The following LRP12 variants were observed in gnomAD, a reference collection of about 807,000 sequenced individuals.
LRP12 encodes the protein LDL receptor related protein 12.
Under a neutral mutation model 66.0 loss-of-function variants are expected in LRP12, and 14 were observed. That is an observed-to-expected ratio of 0.21 (90% CI 0.14 to 0.33). The LOEUF (loss-of-function observed/expected upper bound fraction) is 0.33. Among genes scored for constraint, LRP12 ranks in the 10% least tolerant of loss-of-function variants. LRP12 has a pLI of 1.00. For synonymous variants in LRP12, 357 were observed against 359.1 expected (o/e 0.99, Z 0.07); for missense variants, 889 against 1,053.4 (o/e 0.84, Z 2.16).
At chr8:104,511,287 C>T (rs1232869105) in intron 2 of LRP12, among the ~76,000 whole-genome samples, 1 of 151,714 alleles carries the variant, frequency 6.6e-6, no homozygotes, top group Non-Finnish European at 1.5e-5. Context: ...TGTGATGTTA[C>T]CACCTCAGCC....
chr8:104,523,089 A>G (rs1222468977), intron 2 of LRP12, among the ~76,000 whole-genome samples: 5 of 152,144 alleles, frequency 3.3e-5, no homozygotes, highest in Admixed American at 2.6e-4. Flanking sequence ...ATATTCTTAG[A>G]AATAAAAAAG....
At chr8:104,538,188 A>T (rs74800512) in intron 1 of LRP12, among the ~76,000 whole-genome samples, 4,659 of 152,316 alleles carry the variant, frequency 0.031, 236 homozygotes, top group African/African-American at 0.11. Flanking sequence ...TGTTAAAAAG[A>T]GAAAAAGGAT....
chr8:104,588,272 C>A lies in LRP12; in HGVS notation c.79+547G>T, dbSNP rs535171067. Among the ~76,000 whole-genome samples the A allele has an allele frequency of 3.6e-4, 55 of 152,228 alleles. No homozygotes were observed. The South Asian group carries it at 9.3e-3, about 26-fold the overall frequency. On this transcript the variant is annotated intron_variant, in intron 1 of 6. Transcript: ENST00000276654. ...CAACAGGACCCTGCACGCCCGGATT[C>A]GGCAGAGCCCTTGCCCCCGAGGTGG...
Position 104,588,970 on chromosome 8 carries a change from A to ACGCCGCCGCCAC in LRP12, c.-74_-73insGTGGCGGCGGCG. On this transcript the variant is annotated 5_prime_UTR_variant, in exon 1 of 7. Transcript: ENST00000276654. The stretch of plus-strand genomic sequence containing the variant: ...GAGAAGCTGGAGGTAGACGACGCCG[A>ACGCCGCCGCCAC]CGCCGCCGCCGCCGCCGCCGCCGCC... The ACGCCGCCGCCAC allele has an allele frequency of 3.3e-6, 2 of 600,566 alleles. No homozygotes were observed. The highest frequency in any genetic ancestry group is 2.6e-6 in the Non-Finnish European group (1 of 387,020). The allele number at this position is 600,566 out of a possible 1,614,324, so 37.2% of individuals were successfully genotyped here.
intron 2 of LRP12, among the ~76,000 whole-genome samples, chr8:104,527,348 C>G (rs1053301780): frequency 6.7e-6 from 1 of 149,878 alleles, no homozygotes; most frequent in African/African-American, 2.5e-5. Flanking sequence ...ACTCAAAGGA[C>G]TATAAATCAT....
At position 104,570,231 on chromosome 8, in the gene LRP12, T is replaced by C. The variant is rs1263180076; in HGVS notation, c.79+18588A>G. ...CCTAAAGTAATCTATAAATTTAACA[T>C]AGTATCAATCAAAATCCCTGCAGGA... is the stretch of plus-strand genomic sequence containing the variant. On this transcript the variant is annotated intron_variant, in intron 1 of 6. Transcript: ENST00000276654. Among the ~76,000 whole-genome samples, 7 of 152,286 alleles carry C rather than the reference T, an allele frequency of 4.6e-5. No individual in the cohort carries two copies. In the East Asian group the frequency reaches 9.6e-4, roughly 21 times the overall value.
In LRP12 at chr8:104,567,555, T is replaced by C. The variant is rs1812024516; in HGVS notation, c.79+21264A>G. Among the ~76,000 whole-genome samples, 3 of 152,114 alleles carry C rather than the reference T, an allele frequency of 2.0e-5. No individual in the cohort carries two copies. In the South Asian group the frequency reaches 6.2e-4, roughly 32 times the overall value. On this transcript the variant is annotated intron_variant, in intron 1 of 6. Coordinates refer to ENST00000276654, the MANE Select transcript of LRP12 (RefSeq NM_013437.5). ...AAGGAAGAAGTAAAACCATCCCTAT[T>C]TGCATATGATAAAATTTTGTATATG... is the stretch of plus-strand genomic sequence containing the variant.
intron 3 of LRP12, chr8:104,505,046 C>T (rs996533291): frequency 7.9e-5 from 12 of 152,150 alleles, no homozygotes; most frequent in African/African-American, 2.2e-4. Flanking sequence ...AAGACTAAGT[C>T]TCATTCTTCC....
At chr8:104,579,098 A>G (rs1812207780) in intron 1 of LRP12, among the ~76,000 whole-genome samples, 1 of 152,168 alleles carries the variant, frequency 6.6e-6, no homozygotes, top group Non-Finnish European at 1.5e-5. Context: ...AAGCAAAAGA[A>G]ATAAATAAAG....
chr8:104,561,787 G>A (rs996627635), intron 1 of LRP12, among the ~76,000 whole-genome samples: 5 of 151,874 alleles, frequency 3.3e-5, no homozygotes, highest in African/African-American at 1.2e-4. Context: ...CCTTTTTATT[G>A]GCCATTGTGT....
At chr8:104,570,602 C>T (rs1812062943) in intron 1 of LRP12, among the ~76,000 whole-genome samples, 1 of 151,986 alleles carries the variant, frequency 6.6e-6, no homozygotes, top group African/African-American at 2.4e-5. Context: ...TTTTTTAAAC[C>T]TCATACCTTT....
chr8:104,495,951 A>G (rs1443097850), intron 5 of LRP12: 1 of 152,176 alleles, frequency 6.6e-6, no homozygotes, highest in Non-Finnish European at 1.5e-5. Context: ...AAAAAAGGAA[A>G]AAAAAGAAAA....
At chr8:104,580,418 T>C (rs1588512254) in intron 1 of LRP12, among the ~76,000 whole-genome samples, 1 of 147,278 alleles carries the variant, frequency 6.8e-6, no homozygotes, top group East Asian at 2.0e-4. Flanking sequence ...TAGTCCCAGC[T>C]ACTCGGGAGG....
intron 2 of LRP12, among the ~76,000 whole-genome samples, chr8:104,513,751 C>A (rs1811032034): frequency 6.6e-6 from 1 of 152,184 alleles, no homozygotes; most frequent in African/African-American, 2.4e-5. Context: ...GCCAGCCAGC[C>A]AGCCAGTCCT....
intron 3 of LRP12, among the ~76,000 whole-genome samples, chr8:104,500,397 C>T (rs555934574): frequency 4.6e-5 from 7 of 152,144 alleles, no homozygotes; most frequent in Non-Finnish European, 8.8e-5. Flanking sequence ...CAGGTTTGCA[C>T]TATTATGAAC....
At chr8:104,575,755 G>C (rs1054342293) in intron 1 of LRP12, among the ~76,000 whole-genome samples, 8 of 151,974 alleles carry the variant, frequency 5.3e-5, no homozygotes, top group Non-Finnish European at 1.0e-4. Flanking sequence ...CTCCAGCAAG[G>C]GTTCTGAACT....
intron 1 of LRP12, among the ~76,000 whole-genome samples, chr8:104,548,320 TATAATATATATTATATA>T (rs1370152421): frequency 1.1e-4 from 2 of 18,364 alleles, no homozygotes; most frequent in African/African-American, 7.4e-4. Context: ...TATATAAATA[TATAATATATATTATATA>T]AATATATAAA....
At chr8:104,537,810 T>C (rs1811411626) in intron 1 of LRP12, among the ~76,000 whole-genome samples, 1 of 152,094 alleles carries the variant, frequency 6.6e-6, no homozygotes, top group Non-Finnish European at 1.5e-5. Context: ...GTAAAAGAAG[T>C]AACACAAAAG....
intron 2 of LRP12, among the ~76,000 whole-genome samples, chr8:104,511,828 T>C (rs374795909): frequency 6.6e-6 from 1 of 152,054 alleles, no homozygotes; most frequent in Non-Finnish European, 1.5e-5. Context: ...CAGAACAGAT[T>C]CATGGCATAC....
Sources: allele counts gnomAD v4.1 joint callset (sites outside exome capture counted in the v4.1 genomes callset), GRCh38; gene constraint gnomAD v4.1.1; transcripts MANE v1.5; gene names NCBI Gene and HGNC (gene_info 2026-07-23, HGNC 2026-07-21).